The following RXRG variants were observed in gnomAD, a reference collection of about 807,000 sequenced individuals.
RXRG encodes the protein retinoic acid receptor RXR-gamma.
A neutral mutation model predicts 49.2 loss-of-function variants in RXRG; 19 were observed. The observed-to-expected ratio is 0.39, with a 90% CI of 0.27 to 0.57. RXRG has a LOEUF of 0.57. RXRG is among the 20% of genes least tolerant of loss of function. RXRG has a pLI of 0.64. For missense variants in RXRG, 452 were observed against 592.5 expected (o/e 0.76, Z 2.46); for synonymous variants, 224 against 216.6 (o/e 1.03, Z -0.30).
chr1:165,440,963 T>TA (rs1658965774), intron 1 of RXRG, among the ~76,000 whole-genome samples: 1 of 152,264 alleles, frequency 6.6e-6, no homozygotes, highest in Non-Finnish European at 1.5e-5. Flanking sequence ...CATAAACAGT[T>TA]ACTCCTTTCC....
intron 4 of RXRG, among the ~76,000 whole-genome samples, chr1:165,416,241 A>G (rs1274469868): frequency 6.6e-6 from 1 of 152,022 alleles, no homozygotes; most frequent in Non-Finnish European, 1.5e-5. Context: ...ATTCACCACT[A>G]TCCCCATGTC....
chr1:165,429,563 C>T (rs192135108), intron 1 of RXRG, among the ~76,000 whole-genome samples: 1 of 152,278 alleles, frequency 6.6e-6, no homozygotes, highest in Admixed American at 6.5e-5. Flanking sequence ...TGTCATACCC[C>T]CAGTTTCCTA....
At chr1:165,413,475 G>T (rs567703776) in intron 4 of RXRG, among the ~76,000 whole-genome samples, 2 of 152,006 alleles carry the variant, frequency 1.3e-5, no homozygotes, top group South Asian at 2.1e-4. Flanking sequence ...ATATCTGAGG[G>T]CATGTGGTAG....
intron 1 of RXRG, among the ~76,000 whole-genome samples, chr1:165,441,851 G>T (rs1385985544): frequency 1.3e-5 from 2 of 152,170 alleles, no homozygotes. Context: ...AGAAGAGAAG[G>T]TTTCTCTCAT....
intron 9 of RXRG, among the ~76,000 whole-genome samples, chr1:165,405,194 G>A (rs1293562908): frequency 3.3e-5 from 5 of 152,080 alleles, no homozygotes; most frequent in Admixed American, 6.6e-5. Flanking sequence ...TGATATGTAC[G>A]ACTCTCATTA....
intron 1 of RXRG, among the ~76,000 whole-genome samples, chr1:165,440,026 T>C (rs536297976): frequency 6.6e-6 from 1 of 152,182 alleles, no homozygotes; most frequent in East Asian, 1.9e-4. Flanking sequence ...TGTGAAGAGA[T>C]AGAGTCAAGA....
chr1:165,434,406 T>A (rs1658768389), intron 1 of RXRG, among the ~76,000 whole-genome samples: 1 of 152,014 alleles, frequency 6.6e-6, no homozygotes, highest in African/African-American at 2.4e-5. Flanking sequence ...AGCAACCTCA[T>A]CCTCAGCCAA....
intron 1 of RXRG, among the ~76,000 whole-genome samples, chr1:165,435,571 T>C (rs115242680): frequency 0.028 from 4,268 of 152,208 alleles, 90 homozygotes; most frequent in Admixed American, 0.063. Context: ...AAGCCCCAAA[T>C]GGGTGGATTA....
chr1:165,420,933 A>G (rs2101724775), intron 2 of RXRG, among the ~76,000 whole-genome samples: 1 of 152,384 alleles, frequency 6.6e-6, no homozygotes, highest in African/African-American at 2.4e-5. Context: ...GTAATTGTCC[A>G]ATAGAAGTAA....
chr1:165,406,070 T>C (rs191748044), intron 9 of RXRG, among the ~76,000 whole-genome samples: 12 of 152,372 alleles, frequency 7.9e-5, no homozygotes, highest in African/African-American at 2.4e-4. Flanking sequence ...AGGATCATAC[T>C]TTCTCATTTT....
rs1199590691 is a variant in RXRG at position 165,406,814 on chromosome 1, G to C, written c.1242C>G (p.Gly414=). The C allele has an allele frequency of 6.2e-7, 1 of 1,611,678 alleles. No individual in the cohort carries two copies. Among genetic ancestry groups the C allele is most frequent in the African/African-American group, 1.3e-5 (1 of 74,870 alleles). ...YTKQKYPEQP[G]RFAKLLLRLP... ...CGATTCTGCCAGCACTGTCTCACCT[G>C]CCTGGCTGTTCCGGATACTTCTGCT... Residue 414 remains glycine, a splice_region_variant and synonymous_variant, in exon 9 of 10, where the codon GGC becomes GGG. Coordinates refer to ENST00000359842, the MANE Select transcript of RXRG (RefSeq NM_006917.5).
At chr1:165,426,729 A>G (rs1254585045) in intron 2 of RXRG, among the ~76,000 whole-genome samples, 2 of 152,158 alleles carry the variant, frequency 1.3e-5, no homozygotes. Context: ...AACAGAATCT[A>G]TAGGAGGTGT....
chr1:165,414,329 G>A (rs906810052), intron 4 of RXRG, among the ~76,000 whole-genome samples: 2 of 152,168 alleles, frequency 1.3e-5, no homozygotes, highest in African/African-American at 2.4e-5. Context: ...AACCATAGAA[G>A]TGTCTCTTAC....
intron 3 of RXRG, 24 bp from the exon 4 acceptor site, chr1:165,417,244 C>T: frequency 6.4e-7 from 1 of 1,572,406 alleles, no homozygotes; most frequent in East Asian, 2.3e-5. Context: ...AAGAACATTC[C>T]ATAGATTGTT....
chr1:165,439,770 T>A (rs923128381), intron 1 of RXRG, among the ~76,000 whole-genome samples: 1 of 152,232 alleles, frequency 6.6e-6, no homozygotes, highest in African/African-American at 2.4e-5. Context: ...CTACATCGGT[T>A]AAAATGTAAA....
At chr1:165,407,333 C>A (rs1657789389) in intron 8 of RXRG, among the ~76,000 whole-genome samples, 1 of 152,216 alleles carries the variant, frequency 6.6e-6, no homozygotes, top group Non-Finnish European at 1.5e-5. Flanking sequence ...AAAGCCTCTG[C>A]ATGAATGACT....
chr1:165,420,006 C>T lies in RXRG; in HGVS notation c.306G>A (p.Val102=), dbSNP rs917871301. The part of the protein sequence containing the change: ...LVAPPSSQLN[V]VNSVSSSEDI... ...CCTCTGAACTGCTGACACTGTTGACCACATTTAGCTGCAAGAGAAAAAAAT... is the reference window on the plus strand; with the variant it reads ...CCTCTGAACTGCTGACACTGTTGACTACATTTAGCTGCAAGAGAAAAAAAT... The change falls in exon 3 of 10, where the codon GTG becomes GTA. Residue 102 remains valine (V), a synonymous_variant. Coordinates refer to ENST00000359842, the MANE Select transcript of RXRG (RefSeq NM_006917.5). The T allele has an allele frequency of 2.5e-6, 4 of 1,597,754 alleles. No homozygotes were observed. The highest frequency in any genetic ancestry group is 3.4e-6 in the Non-Finnish European group (4 of 1,171,216).
intron 2 of RXRG, among the ~76,000 whole-genome samples, chr1:165,427,001 T>C (rs1024922622): frequency 6.6e-6 from 1 of 152,218 alleles, no homozygotes; most frequent in Non-Finnish European, 1.5e-5. Flanking sequence ...GTGAGCTTTT[T>C]TGTTCTATTC....
chr1:165,428,586 G>A (rs542500203), intron 2 of RXRG, 133 bp downstream of exon 2: 22 of 1,044,404 alleles, frequency 2.1e-5, no homozygotes, highest in South Asian at 6.8e-5. Flanking sequence ...CCTGAGGGAC[G>A]TCTGCAGAGA....
Sources: gnomAD v4.1 joint callset for allele counts (sites outside exome capture counted in the v4.1 genomes callset) on GRCh38, gnomAD v4.1.1 for gene constraint, MANE v1.5 for transcripts, NCBI Gene and HGNC (gene_info 2026-07-23, HGNC 2026-07-21) for gene names.